KCND3: variants seen among roughly 807,000 people sequenced by gnomAD.
KCND3 encodes the protein potassium voltage-gated channel subfamily D member 3, also known as A-type voltage-gated potassium channel KCND3.
In KCND3, 9 loss-of-function variants were observed where a neutral mutation model predicts 51.1. The ratio of observed to expected loss-of-function variants is 0.18; its 90% confidence interval spans 0.11 to 0.31. KCND3 has a LOEUF of 0.31. Ranked by LOEUF, KCND3 falls within the 10% of genes least tolerant of loss-of-function variation. The pLI, the probability that KCND3 is intolerant of heterozygous loss-of-function variation, is 1.00. For synonymous variants in KCND3, 349 were observed against 368.0 expected, an observed-to-expected ratio of 0.95 and a Z score of 0.59; for missense variants, 526 against 903.8, an observed-to-expected ratio of 0.58 and a Z score of 5.36.
rs762261334 is a variant in KCND3 at position 111,776,158 on chromosome 1, A to G, written c.1887T>C (p.Ser629=). 1 of 1,614,128 alleles carries G rather than the reference A, an allele frequency of 6.2e-7. No individual in the cohort carries two copies. The highest frequency in any genetic ancestry group is 8.5e-7 in the Non-Finnish European group (1 of 1,180,014). ...GGCCTGGGCTGGCAGGGGGTGGCCG[A>G]CTTTCCCCCTCTGGGGTTAGCGCTG... ...TPPALTPEGE[S]RPPPASPGPN... is the part of the protein sequence containing the mutation. The change falls in exon 8 of 8, where the codon AGT becomes AGC. Residue 629 remains serine (S), a synonymous_variant. Transcript: ENST00000302127.
chr1:111,790,117 A>C (rs1377338885), intron 2 of KCND3, among the ~76,000 whole-genome samples: 2 of 152,234 alleles, frequency 1.3e-5, no homozygotes, highest in Non-Finnish European at 1.5e-5. Context: ...AACAACTTAT[A>C]AAAGCCAGAG....
intron 2 of KCND3, among the ~76,000 whole-genome samples, chr1:111,793,874 G>A (rs1019875925): frequency 6.6e-6 from 1 of 152,122 alleles, no homozygotes; most frequent in African/African-American, 2.4e-5. Context: ...TTTCCTTTTT[G>A]TCTTCCTCTG....
intron 2 of KCND3, among the ~76,000 whole-genome samples, chr1:111,855,401 C>A (rs1345863508): frequency 6.6e-6 from 1 of 152,216 alleles, no homozygotes; most frequent in Admixed American, 6.5e-5. Flanking sequence ...GCAAGTGCAA[C>A]CCAGGGTGAC....
intron 2 of KCND3, among the ~76,000 whole-genome samples, chr1:111,876,766 G>A (rs1669068605): frequency 6.6e-6 from 1 of 152,234 alleles, no homozygotes; most frequent in African/African-American, 2.4e-5. Context: ...GAGGGGGGAA[G>A]AGGAGCAAAG....
chr1:111,886,712 C>T (rs1669586660), intron 2 of KCND3, among the ~76,000 whole-genome samples: 1 of 152,226 alleles, frequency 6.6e-6, no homozygotes, highest in Non-Finnish European at 1.5e-5. Flanking sequence ...CTTTTCACAA[C>T]ATCCTGGCCA....
At chr1:111,795,671 G>T (rs1665024698) in intron 2 of KCND3, among the ~76,000 whole-genome samples, 1 of 152,194 alleles carries the variant, frequency 6.6e-6, no homozygotes, top group Non-Finnish European at 1.5e-5. Context: ...CTTTGTGACA[G>T]AACGATTTAT....
chr1:111,972,923 C>CG (rs1187013557), intron 2 of KCND3, among the ~76,000 whole-genome samples: 6 of 152,144 alleles, frequency 3.9e-5, no homozygotes, highest in African/African-American at 1.4e-4. Context: ...TTCTTTTCTG[C>CG]TTAAGTATGC....
chr1:111,824,715 T>TCA (rs1666499294), intron 2 of KCND3, among the ~76,000 whole-genome samples: 1 of 152,172 alleles, frequency 6.6e-6, no homozygotes. Context: ...GATCTGAAAC[T>TCA]CACCAGATCA....
At chr1:111,800,017 G>A (rs1486212634) in intron 2 of KCND3, among the ~76,000 whole-genome samples, 3 of 151,592 alleles carry the variant, frequency 2.0e-5, no homozygotes, top group East Asian at 1.9e-4. Flanking sequence ...CCCTCTGCCC[G>A]GCCACCACCC....
chr1:111,813,182 AG>A (rs1027094336), intron 2 of KCND3, among the ~76,000 whole-genome samples: 8 of 152,120 alleles, frequency 5.3e-5, no homozygotes, highest in African/African-American at 1.9e-4. Context: ...GTGAGGTCAC[AG>A]GGGCCCCCAG....
At chr1:111,910,625 C>A (rs1379008931) in intron 2 of KCND3, among the ~76,000 whole-genome samples, 1 of 152,190 alleles carries the variant, frequency 6.6e-6, no homozygotes, top group African/African-American at 2.4e-5. Flanking sequence ...ACCTCCACCC[C>A]CTTCACTTTC....
intron 2 of KCND3, among the ~76,000 whole-genome samples, chr1:111,812,437 G>T (rs1665897028): frequency 6.6e-6 from 1 of 152,222 alleles, no homozygotes; most frequent in Non-Finnish European, 1.5e-5. Flanking sequence ...CCATCAGATT[G>T]CAATGTGGCT....
At position 111,773,425 on chromosome 1, in the gene KCND3, C is replaced by CTTTTTT. The variant is rs5777080; in HGVS notation, c.*2646_*2651dup. The CTTTTTT allele has an allele frequency of 7.2e-5, 9 of 124,496 alleles. No individual in the cohort carries two copies. Among genetic ancestry groups the CTTTTTT allele is most frequent in the African/African-American group, 1.2e-4 (4 of 32,604 alleles). The allele number at this position is 124,496 out of a possible 1,614,324, so 7.7% of individuals were successfully genotyped here. A position where few individuals can be genotyped will look rare whatever the true frequency, so the allele number is the denominator to read the frequency against. On this transcript the variant is annotated 3_prime_UTR_variant, in exon 8 of 8. Coordinates refer to ENST00000302127, the MANE Select transcript of KCND3 (RefSeq NM_001378969.1). ...TTTACCTCCTTTTTTTTTTTCTTTTCTTTTTTTTTTTTTTGAGACGGAGTC... is the reference window on the plus strand; with the variant it reads ...TTTACCTCCTTTTTTTTTTTCTTTTCTTTTTTTTTTTTTTTTTTTTGAGACGGAGTC...
chr1:111,985,968 C>G (rs1055125854), intron 1 of KCND3, among the ~76,000 whole-genome samples: 5 of 152,214 alleles, frequency 3.3e-5, no homozygotes, highest in African/African-American at 1.2e-4. Context: ...TCATGCATGG[C>G]AGTGGGTAAT....
In KCND3 at chr1:111,776,366, A is replaced by G; in HGVS notation, c.1767-88T>C. 3 of 1,195,576 alleles carry G rather than the reference A, an allele frequency of 2.5e-6. No individual in the cohort carries two copies. The South Asian group carries it at 3.9e-5, about 16-fold the overall frequency. The allele number at this position is 1,195,576 out of a possible 1,614,324, so 74.1% of individuals were successfully genotyped here. A position where few individuals can be genotyped will look rare whatever the true frequency, so the allele number is the denominator to read the frequency against. ...ACCCCCTACATTTCTTGCTCGTGGTAACTAGGAGGATATTTTGTTGTGCCT... is the reference window on the plus strand; with the variant it reads ...ACCCCCTACATTTCTTGCTCGTGGTGACTAGGAGGATATTTTGTTGTGCCT... On this transcript the variant is annotated intron_variant, in intron 7 of 7. Coordinates refer to ENST00000302127, the MANE Select transcript of KCND3 (RefSeq NM_001378969.1).
Position 111,832,833 on chromosome 1 carries a change from G to T in KCND3, c.1107-45727C>A, listed in dbSNP as rs867372862. On this transcript the variant is annotated intron_variant, in intron 2 of 7. Coordinates refer to ENST00000302127, the MANE Select transcript of KCND3 (RefSeq NM_001378969.1). ...CTTTATAACTAAAAGCAGCCGCTCT[G>T]TTCCCTATGGTTGCTGTGAAGACTG... Among the ~76,000 whole-genome samples, 4 of 152,308 alleles carry T rather than the reference G, an allele frequency of 2.6e-5. 1 individual carries two copies. Among genetic ancestry groups the T allele is most frequent in the Non-Finnish European group, 1.5e-5 (1 of 68,036 alleles).
chr1:111,920,013 C>T (rs1252861617), intron 2 of KCND3, among the ~76,000 whole-genome samples: 1 of 152,232 alleles, frequency 6.6e-6, no homozygotes, highest in African/African-American at 2.4e-5. Context: ...ACTTCTTACT[C>T]CTCCTTAGGA....
intron 2 of KCND3, among the ~76,000 whole-genome samples, chr1:111,806,029 C>A (rs1415769665): frequency 2.6e-5 from 4 of 152,184 alleles, no homozygotes; most frequent in Non-Finnish European, 4.4e-5. Flanking sequence ...TCCCCAGGGG[C>A]CTTTTCACCA....
rs1020681675 is a variant in KCND3 at position 111,848,030 on chromosome 1, G to A, written c.1107-60924C>T. On this transcript the variant is annotated intron_variant, in intron 2 of 7. Coordinates refer to ENST00000302127, the MANE Select transcript of KCND3 (RefSeq NM_001378969.1). The stretch of plus-strand genomic sequence containing the variant: ...CAAGGCAGGGCTAAGCAGCTCCTTT[G>A]CTGCCACCTCACCTTCTTGAGACAT... Among the ~76,000 whole-genome samples, 5 of 152,338 alleles carry A rather than the reference G, an allele frequency of 3.3e-5. No individual in the cohort carries two copies. In the South Asian group the frequency reaches 6.2e-4, roughly 19 times the overall value.
Sources: allele counts gnomAD v4.1 joint callset (sites outside exome capture counted in the v4.1 genomes callset), GRCh38; gene constraint gnomAD v4.1.1; transcripts MANE v1.5; gene names NCBI Gene and HGNC (gene_info 2026-07-23, HGNC 2026-07-21).